Variants in LINC00237 observed in about 807,000 individuals in gnomAD.
LINC00237 encodes long independently transcribed non-coding RNA 237, also known as long intergenic non-protein coding RNA 237.
intron 1 of LINC00237, chr20:21,106,196 C>T (rs1207395164): frequency 2.0e-5 from 3 of 152,592 alleles, no homozygotes; most frequent in Non-Finnish European, 4.4e-5. Flanking sequence ...TGAGCCCACA[C>T]CTCTCCTCCT....
chr20:21,086,974 T>C (rs1177362187), intron 3 of LINC00237, among the ~76,000 whole-genome samples: 2 of 142,468 alleles, frequency 1.4e-5, no homozygotes, highest in Admixed American at 7.1e-5. Flanking sequence ...ATATATACAC[T>C]CTATATGTAC....
chr20:21,097,841 A>G (rs2030880363), intron 1 of LINC00237, among the ~76,000 whole-genome samples: 1 of 152,210 alleles, frequency 6.6e-6, no homozygotes, highest in Non-Finnish European at 1.5e-5. Context: ...AGCATTTATC[A>G]GGATAAGCCT....
intron 1 of LINC00237, among the ~76,000 whole-genome samples, chr20:21,100,591 AT>A (rs534942574): frequency 0.024 from 3,589 of 150,160 alleles, 51 homozygotes; most frequent in African/African-American, 0.043. Flanking sequence ...CCCCAAAAAC[AT>A]TTTTTTTTTC....
chr20:21,089,291 T>C (rs574865125), intron 2 of LINC00237, among the ~76,000 whole-genome samples: 7 of 152,036 alleles, frequency 4.6e-5, no homozygotes, highest in Non-Finnish European at 1.0e-4. Flanking sequence ...ACCTTTAAAC[T>C]GAAGTGACAA....
At chr20:21,099,282 G>A (rs2030899253) in intron 1 of LINC00237, among the ~76,000 whole-genome samples, 1 of 152,164 alleles carries the variant, frequency 6.6e-6, no homozygotes, top group African/African-American at 2.4e-5. Context: ...AATTTACCCT[G>A]CTTTCTGGTA....
intron 1 of LINC00237, among the ~76,000 whole-genome samples, chr20:21,099,283 C>T (rs572111374): frequency 3.3e-5 from 5 of 152,314 alleles, no homozygotes; most frequent in East Asian, 3.9e-4. Flanking sequence ...ATTTACCCTG[C>T]TTTCTGGTAA....
At chr20:21,100,698 T>G (rs2030919657) in intron 1 of LINC00237, among the ~76,000 whole-genome samples, 1 of 152,248 alleles carries the variant, frequency 6.6e-6, no homozygotes. Context: ...AATTGTCTCC[T>G]GCGTGGAGAA....
chr20:21,097,172 T>A (rs2030869934), intron 1 of LINC00237, among the ~76,000 whole-genome samples: 1 of 152,184 alleles, frequency 6.6e-6, no homozygotes, highest in Non-Finnish European at 1.5e-5. Context: ...CAAAGCTGTT[T>A]CTTTTGGAAC....
exon 2 of LINC00237, chr20:21,093,564 C>G (rs2030818773): frequency 1.3e-5 from 2 of 152,226 alleles, no homozygotes; most frequent in Non-Finnish European, 2.9e-5. Flanking sequence ...AGACTGGATT[C>G]AAAGGCTTGA....
intron 3 of LINC00237, among the ~76,000 whole-genome samples, chr20:21,086,683 A>T (rs2030706796): frequency 1.3e-3 from 1 of 800 alleles, no homozygotes; most frequent in Non-Finnish European, 2.2e-3. Context: ...ATAGTATACT[A>T]CATATACATA....
At chr20:21,091,149 C>A (rs1336238638) in intron 2 of LINC00237, among the ~76,000 whole-genome samples, 2 of 150,732 alleles carry the variant, frequency 1.3e-5, no homozygotes, top group Admixed American at 1.3e-4. Context: ...GGTGCATAAT[C>A]ATTTGGGGGA....
At chr20:21,104,854 C>T (rs1195367923) in intron 1 of LINC00237, among the ~76,000 whole-genome samples, 3 of 152,172 alleles carry the variant, frequency 2.0e-5, no homozygotes, top group Non-Finnish European at 2.9e-5. Context: ...CACACAGGCG[C>T]GTACACACAC....
intron 3 of LINC00237, among the ~76,000 whole-genome samples, chr20:21,086,699 T>C (rs1392302587): frequency 1.8e-4 from 1 of 5,442 alleles, no homozygotes; most frequent in Admixed American, 2.0e-3. Flanking sequence ...ACATATGTAG[T>C]ATACTATATA....
intron 1 of LINC00237, among the ~76,000 whole-genome samples, chr20:21,096,902 T>A (rs4141922): frequency 0.24 from 37,231 of 152,108 alleles, 5,829 homozygotes; most frequent in East Asian, 0.63. Flanking sequence ...AGCCCCGTGG[T>A]ACAGATTTTT....
chr20:21,103,718 T>G (rs2030962230), intron 1 of LINC00237, among the ~76,000 whole-genome samples: 1 of 152,000 alleles, frequency 6.6e-6, no homozygotes, highest in South Asian at 2.1e-4. Context: ...AGGGGTGAAA[T>G]CAATGTGCGC....
rs1345259247 is a variant in LINC00237, at chr20:21,087,106, A to T, written n.559+838T>A. 6.0e-5 allele frequency among the ~76,000 whole-genome samples: 9 copies of T among 150,898 alleles called. No homozygotes were observed. In the South Asian group the frequency reaches 1.9e-3, roughly 31 times the overall value. On this transcript the variant is annotated intron_variant and non_coding_transcript_variant, in intron 3 of 3. Coordinates refer to ENST00000691244, the Ensembl canonical transcript of LINC00237. ...ACACTATATATGTAGAGAGAGAGACAGAAACAGAGATAGAGACAGAGAGAC... is the reference window on the plus strand; with the variant it reads ...ACACTATATATGTAGAGAGAGAGACTGAAACAGAGATAGAGACAGAGAGAC...
At chr20:21,090,849 C>G (rs1054513095) in intron 2 of LINC00237, among the ~76,000 whole-genome samples, 1 of 152,150 alleles carries the variant, frequency 6.6e-6, no homozygotes, top group Non-Finnish European at 1.5e-5. Flanking sequence ...GTGTCTTTAT[C>G]GCCAGCAAAG....
intron 1 of LINC00237, chr20:21,093,885 A>T (rs551360514): frequency 6.6e-6 from 1 of 152,374 alleles, no homozygotes; most frequent in South Asian, 2.1e-4. Context: ...TGCTCTTATC[A>T]GTTCATTTGC....
At chr20:21,094,513 G>T (rs1218504718) in intron 1 of LINC00237, among the ~76,000 whole-genome samples, 1 of 152,222 alleles carries the variant, frequency 6.6e-6, no homozygotes, top group Non-Finnish European at 1.5e-5. Context: ...AGCATGATGG[G>T]AAAGACTTTC....
Sources: gnomAD v4.1 joint callset for allele counts (sites outside exome capture counted in the v4.1 genomes callset) on GRCh38, gnomAD v4.1.1 for gene constraint, MANE v1.5 for transcripts, NCBI Gene and HGNC (gene_info 2026-07-23, HGNC 2026-07-21) for gene names.